UBE3B: variants seen among roughly 807,000 people sequenced by gnomAD.
The protein encoded by UBE3B is ubiquitin-protein ligase E3B.
UBE3B carries 80 observed loss-of-function variants against 132.3 expected under a neutral mutation model. That is an observed-to-expected ratio of 0.60 (90% CI 0.50 to 0.73). UBE3B has a LOEUF of 0.73. UBE3B is among the 30% of genes least tolerant of loss of function. The pLI is 0.00. For missense variants in UBE3B, 1,196 were observed against 1,362.5 expected, an observed-to-expected ratio of 0.88 and a Z score of 1.92; for synonymous variants, 487 against 520.4, an observed-to-expected ratio of 0.94 and a Z score of 0.87.
intron 4 of UBE3B, 148 bp from the exon 5 acceptor site, chr12:109,485,864 A>C: frequency 1.2e-6 from 1 of 802,718 alleles, no homozygotes; most frequent in South Asian, 1.8e-5. Flanking sequence ...CAGTGTCCTC[A>C]TCTGTAGGAA....
downstream of UBE3B, among the ~76,000 whole-genome samples, chr12:109,540,755 C>T (rs552771459): frequency 1.1e-4 from 16 of 152,326 alleles, no homozygotes; most frequent in African/African-American, 3.8e-4. Flanking sequence ...ACACAGAGTC[C>T]TAAACTAGCC....
At chr12:109,480,936 A>C (rs1464902144) in intron 1 of UBE3B, among the ~76,000 whole-genome samples, 3 of 152,160 alleles carry the variant, frequency 2.0e-5, no homozygotes, top group African/African-American at 7.2e-5. Context: ...TTATTGGTCC[A>C]CAGGCAGCCC....
chr12:109,480,251 A>G (rs995963453), intron 1 of UBE3B, among the ~76,000 whole-genome samples: 8 of 151,068 alleles, frequency 5.3e-5, no homozygotes, highest in Admixed American at 2.6e-4. Flanking sequence ...CTTCCTGACT[A>G]TACACTCTAC....
intron 13 of UBE3B, among the ~76,000 whole-genome samples, chr12:109,501,760 C>T (rs1879024699): frequency 6.6e-6 from 1 of 152,136 alleles, no homozygotes; most frequent in African/African-American, 2.4e-5. Context: ...GGTGATCCTC[C>T]CACGTCAGCC....
intron 4 of UBE3B, among the ~76,000 whole-genome samples, chr12:109,484,369 C>CT (rs1876017723): frequency 6.6e-6 from 1 of 152,220 alleles, no homozygotes; most frequent in Non-Finnish European, 1.5e-5. Flanking sequence ...GGAGCAGCTA[C>CT]TACACACCTC....
At chr12:109,501,565 G>A in intron 13 of UBE3B, 31 bp downstream of exon 13, 1 of 1,596,902 alleles carries the variant, frequency 6.3e-7, no homozygotes, top group Non-Finnish European at 8.5e-7. Context: ...CAACCCTGTA[G>A]CTCCACTTGG....
chr12:109,506,351 T>TTGTTTC (rs1203178121), intron 14 of UBE3B, among the ~76,000 whole-genome samples: 13 of 152,160 alleles, frequency 8.5e-5, no homozygotes, highest in Admixed American at 2.0e-4. Flanking sequence ...GTTTTTGTTT[T>TTGTTTC]TGTTTTTGTT....
At chr12:109,482,470 G>A (rs1040470747) in intron 2 of UBE3B, among the ~76,000 whole-genome samples, 8 of 152,134 alleles carry the variant, frequency 5.3e-5, no homozygotes, top group Non-Finnish European at 7.4e-5. Flanking sequence ...AGGATAGATG[G>A]CCCCTAGTTC....
intron 14 of UBE3B, 137 bp downstream of exon 14, chr12:109,503,327 T>C (rs1759111996): frequency 9.0e-7 from 1 of 1,116,124 alleles, no homozygotes; most frequent in South Asian, 1.6e-5. Context: ...GCTGTTCCTC[T>C]TAGAGATTAG....
chr12:109,520,059 G>T (rs148075761), intron 19 of UBE3B: 1 of 152,250 alleles, frequency 6.6e-6, no homozygotes, highest in Admixed American at 6.5e-5. Context: ...TCTAACCTGC[G>T]AAGCATGTGA....
At chr12:109,516,158 C>CT (rs1177030743) in intron 18 of UBE3B, among the ~76,000 whole-genome samples, 4 of 129,322 alleles carry the variant, frequency 3.1e-5, no homozygotes, top group African/African-American at 5.7e-5. Context: ...TTTCTTTTTT[C>CT]TTTTTTTTCT....
Position 109,521,123 on chromosome 12 carries a change from T to C in UBE3B, c.2077-25T>C. Reference sequence around the variant, plus strand: ...GTGCATAAGGCTTTGGGCTTCCTAATGGGCTGTAATTCTGCTCTTGGCAGG... The same window carrying C: ...GTGCATAAGGCTTTGGGCTTCCTAACGGGCTGTAATTCTGCTCTTGGCAGG... On this transcript the variant is annotated intron_variant, in intron 19 of 27. Coordinates refer to ENST00000342494, the MANE Select transcript of UBE3B (RefSeq NM_130466.4). This position sits in a 1 kb window ranked among gnomAD's most constrained non-coding sequence, Gnocchi z 4.2. 6.2e-7 allele frequency: 1 copy of C among 1,611,976 alleles called. No individual in the cohort carries two copies. The highest frequency in any genetic ancestry group is 8.5e-7 in the Non-Finnish European group (1 of 1,178,386).
chr12:109,524,307 T>C (rs541192354), intron 22 of UBE3B, 131 bp from the exon 23 acceptor site: 1 of 1,380,848 alleles, frequency 7.2e-7, no homozygotes, highest in Admixed American at 1.9e-5. Flanking sequence ...CACGAATGAC[T>C]TTCTTTGCGT....
At chr12:109,544,332 C>T in the UBE3B span, among the ~76,000 whole-genome samples, 1 of 139,440 alleles carries the variant, frequency 7.2e-6, no homozygotes, top group Non-Finnish European at 1.5e-5. Context: ...TGGGTGTGGA[C>T]TGGAATGTTC....
At chr12:109,518,877 C>T (rs545692074) in intron 19 of UBE3B, among the ~76,000 whole-genome samples, 5 of 152,262 alleles carry the variant, frequency 3.3e-5, no homozygotes, top group East Asian at 3.9e-4. Flanking sequence ...TCCCAGTTGT[C>T]GTAATCTGGT....
At chr12:109,512,977 C>T (rs932805504) in intron 18 of UBE3B, among the ~76,000 whole-genome samples, 3 of 152,242 alleles carry the variant, frequency 2.0e-5, no homozygotes, top group African/African-American at 7.2e-5. Context: ...CTGTGCTTCT[C>T]TGTAACTTCT....
chr12:109,534,873 G>A lies in UBE3B; in HGVS notation c.*91G>A. On this transcript the variant is annotated 3_prime_UTR_variant, in exon 28 of 28. Transcript: ENST00000342494. This position sits in a 1 kb window ranked among gnomAD's most constrained non-coding sequence, Gnocchi z 5.2. ...GTGGTCCTGGGAATGTGACCAACAT[G>A]CCAGGTGACATTGGCCCCTAGACCC... The A allele has an allele frequency of 1.7e-6, 2 of 1,173,652 alleles. No individual in the cohort carries two copies. The highest frequency in any genetic ancestry group is 2.4e-6 in the Non-Finnish European group (2 of 850,946). The allele number at this position is 1,173,652 out of a possible 1,614,324, so 72.7% of individuals were successfully genotyped here. A position where few individuals can be genotyped will look rare whatever the true frequency, so the allele number is the denominator to read the frequency against.
intron 24 of UBE3B, chr12:109,528,197 C>G: frequency 2.8e-6 from 1 of 360,182 alleles, no homozygotes; most frequent in Non-Finnish European, 3.9e-6. Context: ...GCCAGTTTCT[C>G]CCTCTTTAGG....
In UBE3B at chr12:109,526,094, A is replaced by G. The variant is rs556344294; in HGVS notation, c.2569-264A>G. Among the ~76,000 whole-genome samples, 9 of 152,324 alleles carry G rather than the reference A, an allele frequency of 5.9e-5. No individual in the cohort carries two copies. The South Asian group carries it at 1.9e-3, about 32-fold the overall frequency. On this transcript the variant is annotated intron_variant, in intron 23 of 27. Transcript: ENST00000342494. ...TCCTACTCTACTCCGAAATGCCAAC[A>G]CATTCCCCTCCATGACATCCCGAAG... is the stretch of plus-strand genomic sequence containing the variant.
Sources: gnomAD v4.1 joint callset for allele counts (sites outside exome capture counted in the v4.1 genomes callset) on GRCh38, gnomAD v4.1.1 for gene constraint, Gnocchi (gnomAD v3.1) non-coding constraint, MANE v1.5 for transcripts, NCBI Gene and HGNC (gene_info 2026-07-23, HGNC 2026-07-21) for gene names.